COP1: variants seen among roughly 807,000 people sequenced by gnomAD.
COP1 encodes the protein COP1 E3 ubiquitin ligase.
In COP1, 24 loss-of-function variants were observed where a neutral mutation model predicts 101.3. The ratio of observed to expected loss-of-function variants is 0.24; its 90% CI spans 0.17 to 0.33. The LOEUF (loss-of-function observed/expected upper bound fraction) is 0.33. COP1 is among the 10% of genes least tolerant of loss of function. COP1 has a pLI of 1.00. For missense variants in COP1, 663 were observed against 906.2 expected (o/e 0.73, Z 3.45); for synonymous variants, 347 against 341.9 (o/e 1.01, Z -0.17).
At chr1:176,059,852 CAT>C (rs554243351) in intron 11 of COP1, among the ~76,000 whole-genome samples, 22 of 152,262 alleles carry the variant, frequency 1.4e-4, no homozygotes, top group South Asian at 1.2e-3. Flanking sequence ...TGAATTTTCA[CAT>C]GTCACAAAGT....
At chr1:176,149,631 AGTGGACAGCTTGCGG>A (rs1289638654) in intron 5 of COP1, among the ~76,000 whole-genome samples, 2 of 152,160 alleles carry the variant, frequency 1.3e-5, no homozygotes, top group Non-Finnish European at 2.9e-5. Flanking sequence ...AATATAATCA[AGTGGACAGCTTGCGG>A]GTAGGGAGTA....
chr1:176,079,254 T>A (rs1678652840), intron 11 of COP1, among the ~76,000 whole-genome samples: 2 of 152,030 alleles, frequency 1.3e-5, no homozygotes, highest in African/African-American at 4.8e-5. Context: ...CCATCAATGG[T>A]GGACTGGATA....
At chr1:176,200,552 C>CA (rs1700163493) in intron 1 of COP1, among the ~76,000 whole-genome samples, 1 of 152,136 alleles carries the variant, frequency 6.6e-6, no homozygotes, top group Non-Finnish European at 1.5e-5. Flanking sequence ...GATGGATTCC[C>CA]AATGGTTACA....
Position 176,081,293 on chromosome 1 carries a change from TGA to T in COP1, c.1142-8_1142-7del. 1 of 1,487,250 alleles carries T rather than the reference TGA, an allele frequency of 6.7e-7. No individual in the cohort carries two copies. Among genetic ancestry groups the T allele is most frequent in the South Asian group, 1.4e-5 (1 of 74,046 alleles). The allele number at this position is 1,487,250 out of a possible 1,614,324, so 92.1% of individuals were successfully genotyped here. A position where few individuals can be genotyped will look rare whatever the true frequency, so the allele number is the denominator to read the frequency against. ...GCTTGCAGTTCGACTGTCATCTATA[TGA>T]AAAAAAAAAAAAAAAGACAAAACAG... is the stretch of plus-strand genomic sequence containing the variant. On this transcript the variant is annotated splice_region_variant and splice_polypyrimidine_tract_variant and intron_variant, in intron 10 of 19. Transcript: ENST00000367669.
chr1:176,125,524 C>T (rs182790731), intron 8 of COP1, among the ~76,000 whole-genome samples: 3 of 152,182 alleles, frequency 2.0e-5, no homozygotes, highest in African/African-American at 4.8e-5. Context: ...TTGTCAAAAA[C>T]GAGTTCACTG....
intron 1 of COP1, among the ~76,000 whole-genome samples, chr1:176,189,047 T>C (rs1200740840): frequency 6.6e-6 from 1 of 151,996 alleles, no homozygotes; most frequent in African/African-American, 2.4e-5. Flanking sequence ...TAAATAGGGA[T>C]TTCAAAAACA....
chr1:176,045,496 C>T (rs1318819276), intron 12 of COP1, among the ~76,000 whole-genome samples: 4 of 144,492 alleles, frequency 2.8e-5, no homozygotes, highest in Non-Finnish European at 6.0e-5. Flanking sequence ...AAGTTCTATA[C>T]AAAGTTATTA....
intron 11 of COP1, among the ~76,000 whole-genome samples, chr1:176,076,555 T>G (rs891370990): frequency 1.4e-5 from 2 of 139,244 alleles, no homozygotes; most frequent in Non-Finnish European, 3.2e-5. Context: ...TTACATCACA[T>G]GTAGAGGAAC....
At chr1:176,025,382 A>G (rs1667486905) in intron 15 of COP1, among the ~76,000 whole-genome samples, 1 of 151,778 alleles carries the variant, frequency 6.6e-6, no homozygotes, top group Non-Finnish European at 1.5e-5. Flanking sequence ...AAGCTACTAG[A>G]CTTAATGTAA....
At chr1:176,199,505 CA>C (rs1260609716) in intron 1 of COP1, among the ~76,000 whole-genome samples, 1 of 151,760 alleles carries the variant, frequency 6.6e-6, no homozygotes, top group African/African-American at 2.4e-5. Context: ...AAATAATAGC[CA>C]AAAACTAGAA....
chr1:176,112,722 C>G (rs1292565716), intron 9 of COP1, among the ~76,000 whole-genome samples: 1 of 152,170 alleles, frequency 6.6e-6, no homozygotes, highest in East Asian at 1.9e-4. Context: ...CCTTGCCTTT[C>G]CCTTCTCTGC....
At chr1:175,954,620 G>A (rs1650382776) in intron 18 of COP1, among the ~76,000 whole-genome samples, 2 of 152,026 alleles carry the variant, frequency 1.3e-5, no homozygotes, top group Non-Finnish European at 2.9e-5. Flanking sequence ...ACAATTGTAT[G>A]TCAATAAAAC....
chr1:175,951,730 G>A (rs1649947941), intron 18 of COP1, among the ~76,000 whole-genome samples: 1 of 151,708 alleles, frequency 6.6e-6, no homozygotes, highest in Non-Finnish European at 1.5e-5. Context: ...CAAAAAATTT[G>A]GTAACACCTC....
At chr1:176,001,657 A>G (rs1307899057) in intron 15 of COP1, among the ~76,000 whole-genome samples, 4 of 152,088 alleles carry the variant, frequency 2.6e-5, no homozygotes, top group East Asian at 1.9e-4. Flanking sequence ...CATCTAAACT[A>G]TCTTTTTATA....
intron 1 of COP1, among the ~76,000 whole-genome samples, chr1:176,199,908 T>C (rs1037192628): frequency 6.6e-6 from 1 of 152,228 alleles, no homozygotes; most frequent in African/African-American, 2.4e-5. Flanking sequence ...CAGTGACTTA[T>C]TTTATGCAAA....
intron 11 of COP1, among the ~76,000 whole-genome samples, chr1:176,066,810 G>A (rs1423310422): frequency 6.6e-6 from 1 of 152,096 alleles, no homozygotes; most frequent in Non-Finnish European, 1.5e-5. Context: ...CCTTTGTTCT[G>A]GTCTCTAAAC....
chr1:176,102,493 T>A (rs1025299200), intron 9 of COP1, among the ~76,000 whole-genome samples: 12 of 152,162 alleles, frequency 7.9e-5, no homozygotes, highest in African/African-American at 2.9e-4. Flanking sequence ...GTGAAAGAGA[T>A]CTGACCTAAA....
intron 8 of COP1, among the ~76,000 whole-genome samples, chr1:176,123,031 T>G (rs2481627): frequency 0.75 from 114,709 of 152,140 alleles, 45,086 homozygotes; most frequent in East Asian, 0.92. Flanking sequence ...ACAACGTGGT[T>G]TATTTGACTA....
upstream of COP1, chr1:176,207,286 C>CGGCGGAAGA (rs1233249664): frequency 2.1e-5 from 8 of 383,014 alleles, no homozygotes; most frequent in South Asian, 2.6e-4. Flanking sequence ...CGCGCGCGAG[C>CGGCGGAAGA]GGCGGAAGAG....
Sources: allele counts gnomAD v4.1 joint callset (sites outside exome capture counted in the v4.1 genomes callset), GRCh38; gene constraint gnomAD v4.1.1; transcripts MANE v1.5; gene names NCBI Gene and HGNC (gene_info 2026-07-23, HGNC 2026-07-21).